The following SLC24A4 variants were observed in gnomAD, a reference collection of about 807,000 sequenced individuals.
SLC24A4 encodes the protein sodium/potassium/calcium exchanger 4.
Under a neutral mutation model 79.0 loss-of-function variants are expected in SLC24A4, and 53 were observed. The observed-to-expected ratio is 0.67, with a 90% CI of 0.54 to 0.84. SLC24A4 has a LOEUF of 0.84. Ranked by LOEUF, SLC24A4 falls within the 40% of genes least tolerant of loss-of-function variation. SLC24A4 has a pLI of 0.00. For missense variants in SLC24A4, 731 were observed against 822.0 expected (o/e 0.89, Z 1.35); for synonymous variants, 323 against 323.8 (o/e 1.00, Z 0.03).
At chr14:92,358,487 C>G (rs1009526752) in intron 2 of SLC24A4, among the ~76,000 whole-genome samples, 1 of 152,018 alleles carries the variant, frequency 6.6e-6, no homozygotes, top group East Asian at 1.9e-4. Flanking sequence ...TCCGCTTGTC[C>G]GTACTCATCA....
intron 2 of SLC24A4, among the ~76,000 whole-genome samples, chr14:92,393,307 A>T (rs997169897): frequency 6.6e-6 from 1 of 152,192 alleles, no homozygotes; most frequent in Admixed American, 6.5e-5. Flanking sequence ...ACTTTCCTTC[A>T]TTTGTAGAAT....
At chr14:92,453,747 G>T in intron 10 of SLC24A4, 153 bp from the exon 11 acceptor site, 1 of 687,730 alleles carries the variant, frequency 1.5e-6, no homozygotes. Context: ...CTGACATGAG[G>T]AGTTGAAGCC....
At chr14:92,329,931 A>G (rs934445133) in intron 2 of SLC24A4, among the ~76,000 whole-genome samples, 2 of 152,238 alleles carry the variant, frequency 1.3e-5, no homozygotes, top group Admixed American at 6.5e-5. Flanking sequence ...CTGGCTGCAT[A>G]TTAAGATCAC....
intron 2 of SLC24A4, among the ~76,000 whole-genome samples, chr14:92,428,695 T>G (rs1413578215): frequency 6.6e-6 from 1 of 152,054 alleles, no homozygotes; most frequent in Non-Finnish European, 1.5e-5. Flanking sequence ...GATTAAAAAG[T>G]CAAAGCCAGG....
chr14:92,329,020 G>A (rs6575246), intron 2 of SLC24A4, among the ~76,000 whole-genome samples: 68,601 of 152,186 alleles, frequency 0.45, 16,296 homozygotes, highest in African/African-American at 0.59. Flanking sequence ...TGTGACAGAC[G>A]CTGCCATCTG....
At chr14:92,333,025 C>T (rs1291725778) in intron 2 of SLC24A4, among the ~76,000 whole-genome samples, 1 of 152,158 alleles carries the variant, frequency 6.6e-6, no homozygotes, top group African/African-American at 2.4e-5. Context: ...CATTATTTTA[C>T]GTTTGCCTGC....
At chr14:92,385,949 G>C (rs1445592568) in intron 2 of SLC24A4, among the ~76,000 whole-genome samples, 1 of 152,108 alleles carries the variant, frequency 6.6e-6, no homozygotes, top group East Asian at 1.9e-4. Context: ...CAGGCCAGCA[G>C]TTATGGAGGA....
rs887485326 is a variant in SLC24A4 at position 92,344,562 on chromosome 14, C to G, written c.241+18584C>G. 4.6e-5 allele frequency among the ~76,000 whole-genome samples: 7 copies of G among 152,096 alleles called. No individual in the cohort carries two copies. The South Asian group carries it at 1.5e-3, about 32-fold the overall frequency. Reference sequence around the variant, plus strand: ...TGGGGAGAGTTTCTGAGCCAAGGATCGATATGCTGAGGAGTGTGCTTTGGG... The same window carrying G: ...TGGGGAGAGTTTCTGAGCCAAGGATGGATATGCTGAGGAGTGTGCTTTGGG... On this transcript the variant is annotated intron_variant, in intron 2 of 16. Transcript: ENST00000532405.
chr14:92,492,552 A>G lies in SLC24A4; in HGVS notation c.1716+312A>G, dbSNP rs569641701. On this transcript the variant is annotated intron_variant, in intron 16 of 16. Coordinates refer to ENST00000532405, the MANE Select transcript of SLC24A4 (RefSeq NM_153646.4). The stretch of plus-strand genomic sequence containing the variant: ...GATCCTCCCCTGCGCATCTGAGCTG[A>G]CAAATGGGAGGCATGACATCCCTCA... Among the ~76,000 whole-genome samples the G allele has an allele frequency of 3.3e-5, 5 of 152,294 alleles. No homozygotes were observed. In the East Asian group the frequency reaches 9.7e-4, roughly 29 times the overall value.
rs1895810597 is a variant in SLC24A4, at chr14:92,493,471, C to T, written c.1717-5C>T. On this transcript the variant is annotated splice_region_variant and splice_polypyrimidine_tract_variant and intron_variant, in intron 16 of 16. Transcript: ENST00000532405. ...AAGCCCAGTTCCCACACTCTGTCCT[C>T]CCAGGTCCTCGGCATCCACCTAAAC... The T allele has an allele frequency of 1.9e-6, 3 of 1,614,006 alleles. No homozygotes were observed. Among genetic ancestry groups the T allele is most frequent in the Non-Finnish European group, 2.5e-6 (3 of 1,179,910 alleles).
chr14:92,405,231 C>T (rs899338033), intron 2 of SLC24A4, among the ~76,000 whole-genome samples: 13 of 152,142 alleles, frequency 8.5e-5, no homozygotes, highest in South Asian at 2.1e-4. Flanking sequence ...CCAGGTTGAT[C>T]GGTTAGCCCT....
At chr14:92,396,377 C>G (rs1330525259) in intron 2 of SLC24A4, among the ~76,000 whole-genome samples, 1 of 152,212 alleles carries the variant, frequency 6.6e-6, no homozygotes, top group African/African-American at 2.4e-5. Context: ...TTCTTTTCAT[C>G]ATGGACTCCT....
At position 92,477,416 on chromosome 14, in the gene SLC24A4, A is replaced by G. The variant is rs192531945; in HGVS notation, c.1256-5264A>G. On this transcript the variant is annotated intron_variant, in intron 12 of 16. Coordinates refer to ENST00000532405, the MANE Select transcript of SLC24A4 (RefSeq NM_153646.4). Reference sequence around the variant, plus strand: ...TTGCAAAATGATTTTTTTCCATTCAATAGGTAGTATTTTCATGGTCTATCT... The same window carrying G: ...TTGCAAAATGATTTTTTTCCATTCAGTAGGTAGTATTTTCATGGTCTATCT... Among the ~76,000 whole-genome samples, 27 of 152,190 alleles carry G rather than the reference A, an allele frequency of 1.8e-4. 1 individual carries two copies. In the East Asian group the frequency reaches 3.9e-3, roughly 22 times the overall value.
chr14:92,396,773 G>T (rs183989689), intron 2 of SLC24A4, among the ~76,000 whole-genome samples: 8 of 152,008 alleles, frequency 5.3e-5, no homozygotes, highest in African/African-American at 1.9e-4. Context: ...TTGGTAGTCC[G>T]CATCCTTTTT....
intron 2 of SLC24A4, among the ~76,000 whole-genome samples, chr14:92,338,657 A>G (rs1392922598): frequency 6.6e-6 from 1 of 152,228 alleles, no homozygotes; most frequent in Admixed American, 6.5e-5. Flanking sequence ...GGCTGGGCAG[A>G]TCGCACGGCA....
At chr14:92,346,182 T>C (rs1371573233) in intron 2 of SLC24A4, among the ~76,000 whole-genome samples, 1 of 152,152 alleles carries the variant, frequency 6.6e-6, no homozygotes, top group African/African-American at 2.4e-5. Flanking sequence ...CATTGAAACA[T>C]TTCCTTTTCT....
chr14:92,415,033 G>C (rs1047029490), intron 2 of SLC24A4, among the ~76,000 whole-genome samples: 4 of 152,078 alleles, frequency 2.6e-5, no homozygotes, highest in Admixed American at 6.6e-5. Flanking sequence ...CCTGCAGATG[G>C]GGGGATGGTG....
chr14:92,421,333 G>T (rs775256866), intron 2 of SLC24A4, among the ~76,000 whole-genome samples: 1 of 151,982 alleles, frequency 6.6e-6, no homozygotes, highest in Admixed American at 6.6e-5. Flanking sequence ...AAGATCTAGG[G>T]CATTTTCATC....
chr14:92,444,942 C>T (rs866860022), intron 7 of SLC24A4, among the ~76,000 whole-genome samples: 2 of 138,538 alleles, frequency 1.4e-5, no homozygotes, highest in African/African-American at 3.3e-5. Context: ...TACACACACA[C>T]ACACACACAC....
Sources: allele counts gnomAD v4.1 joint callset (sites outside exome capture counted in the v4.1 genomes callset), GRCh38; gene constraint gnomAD v4.1.1; transcripts MANE v1.5; gene names NCBI Gene and HGNC (gene_info 2026-07-23, HGNC 2026-07-21).